The following TRPV4 variants were observed in gnomAD, a reference collection of about 807,000 sequenced individuals.
The protein encoded by TRPV4 is transient receptor potential cation channel subfamily V member 4, also known as OSM9-like transient receptor potential channel 4.
A neutral mutation model predicts 84.1 loss-of-function variants in TRPV4; 58 were observed. The observed-to-expected ratio is 0.69, with a 90% CI of 0.56 to 0.86. The LOEUF (loss-of-function observed/expected upper bound fraction) is 0.86, where lower values mean the gene tolerates loss of function less well. TRPV4 is among the 40% of genes least tolerant of loss of function. The pLI, the probability that TRPV4 is intolerant of heterozygous loss-of-function variation, is 0.00. For synonymous variants in TRPV4, 489 were observed against 500.9 expected, an observed-to-expected ratio of 0.98 and a Z score of 0.32; for missense variants, 879 against 1,181.1, an observed-to-expected ratio of 0.74 and a Z score of 3.75.
intron 4 of TRPV4, among the ~76,000 whole-genome samples, chr12:109,801,359 A>G (rs1394061926): frequency 1.3e-5 from 2 of 152,150 alleles, no homozygotes; most frequent in African/African-American, 4.8e-5. Context: ...GTGAAAGGTA[A>G]TTTAATCATG....
intron 12 of TRPV4, among the ~76,000 whole-genome samples, chr12:109,790,734 GA>G (rs1889974658): frequency 6.6e-6 from 1 of 151,758 alleles, no homozygotes; most frequent in Non-Finnish European, 1.5e-5. Flanking sequence ...AAAAAAAATG[GA>G]AAAAAAGAAG....
chr12:109,830,754 C>T lies in TRPV4; in HGVS notation c.-32+2596G>A, dbSNP rs7310737. 4.4e-3 allele frequency among the ~76,000 whole-genome samples: 669 copies of T among 152,240 alleles called. 4 individuals carry two copies. The highest frequency in any genetic ancestry group is 0.016 in the African/African-American group (647 of 41,520). ...CAAGGGCCTGCATGGAGTAGAGACA[C>T]CCACTTCATGTAGACCCCATCCCCC... On this transcript the variant is annotated intron_variant, in intron 1 of 15. Transcript: ENST00000261740.
At chr12:109,792,455 G>A (rs370740921) in intron 11 of TRPV4, 26 bp from the exon 12 acceptor site, 38 of 1,611,912 alleles carry the variant, frequency 2.4e-5, no homozygotes, top group Non-Finnish European at 3.0e-5. Flanking sequence ...GGATTATGGA[G>A]GCAAAGAGGA....
chr12:109,830,763 T>C lies in TRPV4; in HGVS notation c.-32+2587A>G, dbSNP rs1029302139. Among the ~76,000 whole-genome samples, 3 of 152,150 alleles carry C rather than the reference T, an allele frequency of 2.0e-5. 1 individual carries two copies. The highest frequency in any genetic ancestry group is 1.5e-5 in the Non-Finnish European group (1 of 68,030). Reference sequence around the variant, plus strand: ...GCATGGAGTAGAGACACCCACTTCATGTAGACCCCATCCCCCTAGGAACAG... The same window carrying C: ...GCATGGAGTAGAGACACCCACTTCACGTAGACCCCATCCCCCTAGGAACAG... On this transcript the variant is annotated intron_variant, in intron 1 of 15. Transcript: ENST00000261740.
chr12:109,820,822 C>A (rs1423891488), intron 1 of TRPV4, among the ~76,000 whole-genome samples: 4 of 152,194 alleles, frequency 2.6e-5, no homozygotes, highest in Non-Finnish European at 2.9e-5. Flanking sequence ...TACGCCCGGC[C>A]CTCAGCTGCC....
Position 109,793,835 on chromosome 12 carries a change from G to T in TRPV4, c.1584+95C>A. On this transcript the variant is annotated intron_variant, in intron 9 of 15. Transcript: ENST00000261740. This position sits in a 1 kb window ranked among gnomAD's most constrained non-coding sequence, Gnocchi z 4.0. ...AGGAAGGAAAGGAGAAGGACCATTTGGAGGAGAGAGAAGAGAAAAAGAGGG... is the reference window on the plus strand; with the variant it reads ...AGGAAGGAAAGGAGAAGGACCATTTTGAGGAGAGAGAAGAGAAAAAGAGGG... 1 of 999,914 alleles carries T rather than the reference G, an allele frequency of 1.0e-6. No homozygotes were observed. The highest frequency in any genetic ancestry group is 1.6e-6 in the Non-Finnish European group (1 of 641,166). 61.9% of individuals were successfully genotyped at this position (999,914 alleles called of 1,614,324 possible).
At chr12:109,802,124 T>C (rs1890821682) in intron 4 of TRPV4, among the ~76,000 whole-genome samples, 1 of 140,644 alleles carries the variant, frequency 7.1e-6, no homozygotes, top group Non-Finnish European at 1.5e-5. Context: ...CTCAGAATCT[T>C]GGAATCTTTT....
At chr12:109,806,036 T>A (rs1446323766) in intron 3 of TRPV4, among the ~76,000 whole-genome samples, 1 of 152,204 alleles carries the variant, frequency 6.6e-6, no homozygotes, top group African/African-American at 2.4e-5. Context: ...GGCTTAAACA[T>A]GGGTTATCTC....
At chr12:109,794,622 C>T (rs1890275219) in intron 7 of TRPV4, 135 bp from the exon 8 acceptor site, 1 of 932,882 alleles carries the variant, frequency 1.1e-6, no homozygotes, top group South Asian at 1.4e-5. Flanking sequence ...CAGCTGCATT[C>T]ACGGATTCAT....
At chr12:109,803,939 G>A (rs916339516) in intron 3 of TRPV4, among the ~76,000 whole-genome samples, 6 of 150,860 alleles carry the variant, frequency 4.0e-5, no homozygotes, top group Non-Finnish European at 7.4e-5. Flanking sequence ...TCAGAGCATC[G>A]AATCCTTTTC....
intron 2 of TRPV4, among the ~76,000 whole-genome samples, chr12:109,812,017 C>T (rs1176172347): frequency 6.6e-6 from 1 of 152,200 alleles, no homozygotes; most frequent in Admixed American, 6.5e-5. Context: ...AGCCCTGCTC[C>T]CTCCTCCAAA....
At chr12:109,823,111 G>T (rs1373953620) in intron 1 of TRPV4, among the ~76,000 whole-genome samples, 1 of 152,188 alleles carries the variant, frequency 6.6e-6, no homozygotes, top group Non-Finnish European at 1.5e-5. Flanking sequence ...TGCCTGCCAG[G>T]CTACCCCACG....
At chr12:109,790,786 G>A (rs1045920365) in intron 12 of TRPV4, among the ~76,000 whole-genome samples, 7 of 152,188 alleles carry the variant, frequency 4.6e-5, no homozygotes, top group South Asian at 4.1e-4. Flanking sequence ...GGCTGGCCTT[G>A]TGACTTGCTT....
Position 109,798,989 on chromosome 12 carries a change from C to T in TRPV4, c.854-77G>A, listed in dbSNP as rs905312003. On this transcript the variant is annotated intron_variant, in intron 5 of 15. Transcript: ENST00000261740. This position sits in a 1 kb window ranked among gnomAD's most constrained non-coding sequence, Gnocchi z 5.0. The stretch of plus-strand genomic sequence containing the variant: ...ACTCTGCCTGCAGACACTCGGGGGA[C>T]GGACACCGTGGCGCTCTGAGGATAA... 1.9e-5 allele frequency: 27 copies of T among 1,401,080 alleles called. No individual in the cohort carries two copies. The East Asian group carries it at 4.1e-4, about 21-fold the overall frequency. The allele number at this position is 1,401,080 out of a possible 1,614,324, so 86.8% of individuals were successfully genotyped here.
chr12:109,827,146 T>C (rs1283307965), intron 1 of TRPV4, among the ~76,000 whole-genome samples: 1 of 152,150 alleles, frequency 6.6e-6, no homozygotes, highest in Non-Finnish European at 1.5e-5. Flanking sequence ...CTTCCTCCCA[T>C]CCATTTTTTA....
At chr12:109,813,892 T>C (rs1891687007) in intron 2 of TRPV4, among the ~76,000 whole-genome samples, 1 of 150,184 alleles carries the variant, frequency 6.7e-6, no homozygotes, top group South Asian at 2.1e-4. Context: ...GGATGGATAG[T>C]AGATAGATGG....
At chr12:109,792,243 CAAAA>C (rs768558199) in intron 12 of TRPV4, 116 bp downstream of exon 12, 1,071 of 373,248 alleles carry the variant, frequency 2.9e-3, no homozygotes, top group East Asian at 5.2e-3. Context: ...AACTCCACCT[CAAAA>C]AAAAAAAAAA....
At position 109,815,873 on chromosome 12, in the gene TRPV4, C is replaced by T. The variant is rs1203761898; in HGVS notation, c.-31-1046G>A. On this transcript the variant is annotated intron_variant, in intron 1 of 15. Coordinates refer to ENST00000261740, the MANE Select transcript of TRPV4 (RefSeq NM_021625.5). The surrounding 1 kb of genome is among the most constrained non-coding windows in gnomAD (Gnocchi z 4.1). ...GCAGGAAGAAGAGCTGGACTTGAACCATGTCTCTCTGGCTCCCGGGTCCAG... is the reference window on the plus strand; with the variant it reads ...GCAGGAAGAAGAGCTGGACTTGAACTATGTCTCTCTGGCTCCCGGGTCCAG... Among the ~76,000 whole-genome samples the T allele has an allele frequency of 6.6e-6, 1 of 152,228 alleles. No homozygotes were observed. The highest frequency in any genetic ancestry group is 2.4e-5 in the African/African-American group (1 of 41,456).
At chr12:109,826,927 C>T (rs1341273166) in intron 1 of TRPV4, among the ~76,000 whole-genome samples, 1 of 152,200 alleles carries the variant, frequency 6.6e-6, no homozygotes, top group Non-Finnish European at 1.5e-5. Context: ...CGGACAAAAG[C>T]TCTAGGGCGG....
Sources: allele counts gnomAD v4.1 joint callset (sites outside exome capture counted in the v4.1 genomes callset), GRCh38; gene constraint gnomAD v4.1.1; non-coding constraint Gnocchi (gnomAD v3.1); transcripts MANE v1.5; gene names NCBI Gene and HGNC (gene_info 2026-07-23, HGNC 2026-07-21).